CES5A: variants seen among roughly 807,000 people sequenced by gnomAD.
The protein encoded by CES5A is carboxylesterase 5.
CES5A carries 67 observed loss-of-function variants against 62.9 expected under a neutral mutation model. That is an observed-to-expected ratio of 1.07 (90% CI 0.88 to 1.31). CES5A has a LOEUF of 1.31. Ranked by LOEUF, CES5A falls within the 50% of genes most tolerant of loss-of-function variation. CES5A has a pLI of 0.00. For missense variants in CES5A, 748 were observed against 708.5 expected, an observed-to-expected ratio of 1.06 and a Z score of -0.63; for synonymous variants, 296 against 280.8, an observed-to-expected ratio of 1.05 and a Z score of -0.54.
At chr16:55,951,191 G>A (rs549274256) in intron 1 of CES5A, among the ~76,000 whole-genome samples, 27 of 144,380 alleles carry the variant, frequency 1.9e-4, no homozygotes, top group South Asian at 1.5e-3. Context: ...TTCTTCCAAC[G>A]AACAAAACAG....
intron 6 of CES5A, among the ~76,000 whole-genome samples, 188 bp from the exon 7 acceptor site, chr16:55,861,704 CCT>C (rs1291013765): frequency 2.2e-4 from 34 of 152,300 alleles, no homozygotes; most frequent in Non-Finnish European, 5.9e-5. Context: ...ACTGCATCAC[CCT>C]CAGTCTCTTG....
intron 2 of CES5A, among the ~76,000 whole-genome samples, chr16:55,934,677 T>C (rs867918805): frequency 3.7e-3 from 559 of 149,272 alleles, no homozygotes; most frequent in African/African-American, 0.01. Flanking sequence ...TGTGTGTGTG[T>C]GCGCGTGTGC....
chr16:55,880,433 G>C (rs150745677), intron 1 of CES5A, among the ~76,000 whole-genome samples: 2 of 152,244 alleles, frequency 1.3e-5, no homozygotes, highest in Non-Finnish European at 2.9e-5. Flanking sequence ...CACAGCATCA[G>C]TCTCAGGAAC....
chr16:55,875,604 A>G (rs1338865347), upstream of CES5A, among the ~76,000 whole-genome samples: 1 of 152,226 alleles, frequency 6.6e-6, no homozygotes, highest in Admixed American at 6.5e-5. Context: ...GACACAGTGC[A>G]GGTCAGAGAA....
intron 11 of CES5A, among the ~76,000 whole-genome samples, 169 bp from the exon 12 acceptor site, chr16:55,847,009 C>G (rs1347133310): frequency 6.6e-6 from 1 of 152,044 alleles, no homozygotes; most frequent in African/African-American, 2.4e-5. Context: ...TCAGAGCAAC[C>G]GGGACCTGTC....
chr16:55,938,801 CACAT>C (rs200548156), intron 2 of CES5A, among the ~76,000 whole-genome samples: 2,245 of 88,590 alleles, frequency 0.025, 39 homozygotes, highest in African/African-American at 0.031. Context: ...TATATATACA[CACAT>C]ATATATATAT....
chr16:55,899,707 C>T lies in CES5A; in HGVS notation c.-256+25616G>A, dbSNP rs551253503. Among the ~76,000 whole-genome samples the T allele has an allele frequency of 2.6e-5, 4 of 152,262 alleles. No individual in the cohort carries two copies. The South Asian group carries it at 6.2e-4, about 24-fold the overall frequency. On this transcript the variant is annotated intron_variant, in intron 1 of 12. Transcript: ENST00000518005. ...ACATTTGGCAATGTCTGAAGATATT[C>T]GATAGTCACAGCTAGTGGAGAGGTA...
At chr16:55,946,163 A>G (rs188435065) in intron 2 of CES5A, among the ~76,000 whole-genome samples, 1 of 152,318 alleles carries the variant, frequency 6.6e-6, no homozygotes, top group East Asian at 1.9e-4. Flanking sequence ...TGACTTTCCT[A>G]ATATGCAAAC....
chr16:55,905,370 A>ATTTTTTTT (rs368761640), intron 1 of CES5A, among the ~76,000 whole-genome samples: 2 of 146,430 alleles, frequency 1.4e-5, no homozygotes, highest in Non-Finnish European at 3.0e-5. Flanking sequence ...TTTAAATCTG[A>ATTTTTTTT]CTTTTTTTTT....
At chr16:55,862,661 G>A (rs566187279) in intron 6 of CES5A, among the ~76,000 whole-genome samples, 1 of 152,270 alleles carries the variant, frequency 6.6e-6, no homozygotes, top group African/African-American at 2.4e-5. Flanking sequence ...TTTTCTGTAA[G>A]ATGTTTAAGA....
intron 1 of CES5A, among the ~76,000 whole-genome samples, chr16:55,889,149 A>G (rs1329415307): frequency 2.0e-5 from 3 of 151,854 alleles, no homozygotes; most frequent in African/African-American, 7.3e-5. Flanking sequence ...AAAAAAAAAA[A>G]GGTATTTTTT....
chr16:55,935,835 CCTT>C (rs757642195), intron 2 of CES5A, among the ~76,000 whole-genome samples: 1 of 151,804 alleles, frequency 6.6e-6, no homozygotes, highest in African/African-American at 2.4e-5. Flanking sequence ...TCCACCTAGT[CCTT>C]CTGGCAATGT....
intron 2 of CES5A, among the ~76,000 whole-genome samples, chr16:55,945,068 C>T (rs1000307821): frequency 1.8e-4 from 28 of 152,136 alleles, no homozygotes; most frequent in African/African-American, 6.0e-4. Flanking sequence ...TAATAATAGG[C>T]TTGTTTTATT....
At chr16:55,886,135 C>T (rs1184345467) in intron 1 of CES5A, among the ~76,000 whole-genome samples, 5 of 152,206 alleles carry the variant, frequency 3.3e-5, no homozygotes, top group African/African-American at 1.2e-4. Context: ...TGTTACATAC[C>T]AGCCACTCTC....
chr16:55,849,531 T>C, intron 11 of CES5A, 93 bp downstream of exon 11: 1 of 1,399,692 alleles, frequency 7.1e-7, no homozygotes, highest in Admixed American at 2.1e-5. Flanking sequence ...CAGAGGTAAT[T>C]AAATGCCAAC....
intron 1 of CES5A, among the ~76,000 whole-genome samples, chr16:55,894,510 A>AAAG: frequency 6.6e-6 from 1 of 151,266 alleles, no homozygotes; most frequent in South Asian, 2.1e-4. Context: ...AAAAAAAAAA[A>AAAG]AAAAAGAAAA....
intron 1 of CES5A, among the ~76,000 whole-genome samples, chr16:55,902,055 T>G (rs1045112771): frequency 2.0e-4 from 30 of 152,170 alleles, no homozygotes; most frequent in African/African-American, 6.8e-4. Flanking sequence ...ATCTCAGCCT[T>G]TTTGACTGTG....
chr16:55,900,086 G>A (rs1253069954), intron 1 of CES5A, among the ~76,000 whole-genome samples: 1 of 148,068 alleles, frequency 6.8e-6, no homozygotes, highest in Non-Finnish European at 1.5e-5. Flanking sequence ...AGACCTGAAT[G>A]CAGACCCCCC....
chr16:55,930,651 C>T (rs2034300768), intron 2 of CES5A, among the ~76,000 whole-genome samples: 2 of 152,148 alleles, frequency 1.3e-5, no homozygotes, highest in South Asian at 4.1e-4. Flanking sequence ...TTTCTGACTC[C>T]CTTTTGAATG....
Sources: gnomAD v4.1 joint callset for allele counts (sites outside exome capture counted in the v4.1 genomes callset) on GRCh38, gnomAD v4.1.1 for gene constraint, MANE v1.5 for transcripts, NCBI Gene and HGNC (gene_info 2026-07-23, HGNC 2026-07-21) for gene names.